Variants in SETDB1 observed in about 807,000 individuals in gnomAD.
SETDB1 encodes the protein SET domain bifurcated histone lysine methyltransferase 1.
SETDB1 carries 31 observed loss-of-function variants against 137.4 expected under a neutral mutation model. The ratio of observed to expected loss-of-function variants is 0.23; its 90% CI spans 0.17 to 0.30. The LOEUF (loss-of-function observed/expected upper bound fraction) is 0.30. SETDB1 is among the 10% of genes least tolerant of loss of function. SETDB1 has a pLI of 1.00. For synonymous variants in SETDB1, 548 were observed against 579.9 expected, an observed-to-expected ratio of 0.95 and a Z score of 0.79; for missense variants, 1,113 against 1,631.5, an observed-to-expected ratio of 0.68 and a Z score of 5.47.
At chr1:150,962,802 G>A in intron 18 of SETDB1, 83 bp downstream of exon 18, 2 of 1,507,858 alleles carry the variant, frequency 1.3e-6, no homozygotes, top group African/African-American at 1.4e-5. Context: ...TATAATTACT[G>A]TTAGGTCTTC....
At chr1:150,950,158 C>T (rs1258661477) in intron 12 of SETDB1, among the ~76,000 whole-genome samples, 1 of 152,016 alleles carries the variant, frequency 6.6e-6, no homozygotes, top group African/African-American at 2.4e-5. Flanking sequence ...CGCTTGAACC[C>T]AGGAGGCAGA....
intron 13 of SETDB1, 24 bp downstream of exon 13, chr1:150,951,114 GC>G: frequency 1.3e-6 from 2 of 1,588,752 alleles, no homozygotes; most frequent in Non-Finnish European, 1.7e-6. Flanking sequence ...GGGAATTGCT[GC>G]CCCTGCTTCC....
chr1:150,962,817 A>G, intron 18 of SETDB1, 98 bp downstream of exon 18: 1 of 1,476,586 alleles, frequency 6.8e-7, no homozygotes, highest in African/African-American at 1.4e-5. Context: ...GTCTTCTCCT[A>G]CTTCTTTAGC....
intron 3 of SETDB1, 199 bp downstream of exon 3, chr1:150,930,317 A>G (rs1234146166): frequency 2.0e-6 from 1 of 494,760 alleles, no homozygotes; most frequent in Non-Finnish European, 3.6e-6. Flanking sequence ...CCCTGATTGT[A>G]TTACTTTGCT....
chr1:150,954,282 C>T (rs1670581955), intron 14 of SETDB1, among the ~76,000 whole-genome samples: 1 of 152,154 alleles, frequency 6.6e-6, no homozygotes, highest in African/African-American at 2.4e-5. Flanking sequence ...ATGATCACAC[C>T]ACTACACTCT....
intron 10 of SETDB1, among the ~76,000 whole-genome samples, chr1:150,947,795 T>C (rs961769178): frequency 6.6e-6 from 1 of 151,940 alleles, no homozygotes; most frequent in Non-Finnish European, 1.5e-5. Context: ...AAAAAACAGA[T>C]TTGGTTTTCT....
Position 150,964,087 on chromosome 1 carries a change from A to T in SETDB1, c.3761+4A>T. ...GGGTGGCCTTCTTTGCCAGCAAGTA[A>T]GGAGTCAGGAAAGGGGATGACTGGG... On this transcript the variant is annotated splice_donor_region_variant and intron_variant, in intron 21 of 21. Transcript: ENST00000692827. 1 of 1,613,072 alleles carries T rather than the reference A, an allele frequency of 6.2e-7. No individual in the cohort carries two copies. Among genetic ancestry groups the T allele is most frequent in the Non-Finnish European group, 8.5e-7 (1 of 1,179,058 alleles).
intron 14 of SETDB1, among the ~76,000 whole-genome samples, chr1:150,955,270 A>G (rs1670606290): frequency 6.6e-6 from 1 of 152,232 alleles, no homozygotes; most frequent in Non-Finnish European, 1.5e-5. Context: ...GTTTCATAAA[A>G]ATATTTTCAA....
rs1270168893 is a variant in SETDB1, at chr1:150,930,174, G to A, written c.412+56G>A. On this transcript the variant is annotated intron_variant, in intron 3 of 21. Coordinates refer to ENST00000692827, the MANE Select transcript of SETDB1 (RefSeq NM_001366418.1). The stretch of plus-strand genomic sequence containing the variant: ...CAGGACTGAAGTTGAAACACTGGAA[G>A]ATGAGCAAATAGAAGATAATAGAAG... The A allele has an allele frequency of 2.8e-5, 40 of 1,431,636 alleles. 1 individual carries two copies. The highest frequency in any genetic ancestry group is 1.3e-4 in the South Asian group (11 of 81,674). 88.7% of individuals were successfully genotyped at this position (1,431,636 alleles called of 1,614,324 possible). A position where few individuals can be genotyped will look rare whatever the true frequency, so the allele number is the denominator to read the frequency against.
intron 7 of SETDB1, 121 bp downstream of exon 7, chr1:150,943,174 C>T (rs934630850): frequency 1.5e-6 from 1 of 662,132 alleles, no homozygotes; most frequent in Non-Finnish European, 2.7e-6. Context: ...GACTGAAACC[C>T]TTACTCTTTC....
intron 3 of SETDB1, among the ~76,000 whole-genome samples, chr1:150,934,936 C>T (rs1414673287): frequency 1.3e-5 from 2 of 152,078 alleles, no homozygotes; most frequent in Non-Finnish European, 2.9e-5. Flanking sequence ...ATTCTCCTGC[C>T]TCAGCCTCCC....
chr1:150,960,362 A>G (rs1161656059), intron 15 of SETDB1, among the ~76,000 whole-genome samples: 2 of 151,104 alleles, frequency 1.3e-5, no homozygotes, highest in African/African-American at 2.4e-5. Flanking sequence ...CTGTAGTCCT[A>G]TCTACTCAGG....
At chr1:150,946,580 C>G (rs1026569688) in intron 9 of SETDB1, among the ~76,000 whole-genome samples, 12 of 152,090 alleles carry the variant, frequency 7.9e-5, no homozygotes, top group African/African-American at 2.9e-4. Flanking sequence ...TCCCGAGTAA[C>G]TGGGATTACA....
chr1:150,927,189 C>T (rs1339735461), intron 1 of SETDB1, among the ~76,000 whole-genome samples: 17 of 152,140 alleles, frequency 1.1e-4, no homozygotes, highest in Admixed American at 1.0e-3. Context: ...ATGCATGGCG[C>T]GAACATAGCT....
intron 12 of SETDB1, 81 bp downstream of exon 12, chr1:150,949,606 AAGGGCTT>A: frequency 7.7e-7 from 1 of 1,303,342 alleles, no homozygotes; most frequent in Non-Finnish European, 1.1e-6. Flanking sequence ...GCTGTAAGCG[AAGGGCTT>A]AGTTTAAGCT....
At position 150,963,469 on chromosome 1, in the gene SETDB1, A is replaced by G. The variant is rs993140028; in HGVS notation, c.3461-61A>G. On this transcript the variant is annotated intron_variant, in intron 19 of 21. Coordinates refer to ENST00000692827, the MANE Select transcript of SETDB1 (RefSeq NM_001366418.1). ...AGAAATAGGGGTAGAATGTCCATTC[A>G]TGATAGAATGTCTGTTCATGAGTTG... 8 of 1,331,918 alleles carry G rather than the reference A, an allele frequency of 6.0e-6. No homozygotes were observed. The African/African-American group carries it at 1.2e-4, about 19-fold the overall frequency. The allele number at this position is 1,331,918 out of a possible 1,614,324, so 82.5% of individuals were successfully genotyped here. A position where few individuals can be genotyped will look rare whatever the true frequency, so the allele number is the denominator to read the frequency against.
Position 150,963,751 on chromosome 1 carries a change from CT to C in SETDB1, c.3672+11del. The C allele has an allele frequency of 2.5e-6, 4 of 1,611,288 alleles. No homozygotes were observed. The highest frequency in any genetic ancestry group is 3.4e-6 in the Non-Finnish European group (4 of 1,177,426). On this transcript the variant is annotated intron_variant, in intron 20 of 21. Transcript: ENST00000692827. ...GGGCCGCTACCTCAACGTGAGACCC[CT>C]CTCCCCACCTCTAGATGCTGGATTA...
chr1:150,946,946 A>T lies in SETDB1; in HGVS notation c.1201A>T (p.Met401Leu). Residue 401 changes from methionine (M) to leucine (L), a missense_variant, in exon 10 of 22, where the codon ATG (methionine) becomes TTG (leucine). Around this residue, in one of 11 missense-constraint regions of SETDB1, gnomAD observed 154 missense variants for 303.1 expected, o/e 0.51. Transcript: ENST00000692827. The stretch of plus-strand genomic sequence containing the variant: ...TACACGGCTGGAGCCCATGTTCAGC[A>T]TGAAAACATCCTCAGCCTCTGCACT... ...GSTRLEPMFS[M>L]KTSSASALEK... is the part of the protein sequence containing the mutation. 6.2e-7 allele frequency: 1 copy of T among 1,614,232 alleles called. No individual in the cohort carries two copies. Among genetic ancestry groups the T allele is most frequent in the Non-Finnish European group, 8.5e-7 (1 of 1,180,028 alleles).
At chr1:150,947,969 T>C (rs888699652) in intron 10 of SETDB1, among the ~76,000 whole-genome samples, 2 of 151,672 alleles carry the variant, frequency 1.3e-5, no homozygotes, top group Non-Finnish European at 2.9e-5. Context: ...TGGTGGCTCG[T>C]GTCTGTAGTC....
Sources: allele counts gnomAD v4.1 joint callset (sites outside exome capture counted in the v4.1 genomes callset), GRCh38; gene constraint gnomAD v4.1.1; regional missense constraint gnomAD v4.1.1; transcripts MANE v1.5; gene names NCBI Gene and HGNC (gene_info 2026-07-23, HGNC 2026-07-21).